Variants in RAB38 observed in about 807,000 individuals in gnomAD.
The protein encoded by RAB38 is RAB38, member RAS oncogene family, also known as ras-related protein Rab-38.
A neutral mutation model predicts 18.4 loss-of-function variants in RAB38; 15 were observed. That is an observed-to-expected ratio of 0.82 (90% confidence interval 0.55 to 1.26). The LOEUF (loss-of-function observed/expected upper bound fraction) is 1.26. Among genes scored for constraint, RAB38 ranks in the 50% most tolerant of loss-of-function variants. RAB38 has a pLI of 0.00. For synonymous variants in RAB38, 101 were observed against 104.4 expected (o/e 0.97, Z 0.20); for missense variants, 294 against 267.4 (o/e 1.10, Z -0.69).
At chr11:88,092,074 G>A in the RAB38 span, among the ~76,000 whole-genome samples, 14 of 151,716 alleles carry the variant, frequency 9.2e-5, no homozygotes. Flanking sequence ...TGGGAACATC[G>A]TATGGCAGTG....
the RAB38 span, among the ~76,000 whole-genome samples, chr11:87,970,092 G>A: frequency 2.0e-5 from 3 of 152,036 alleles, no homozygotes; most frequent in African/African-American, 7.2e-5. Context: ...GGCAAAATGG[G>A]CTCAGAAGTA....
At chr11:87,863,570 CT>C in the RAB38 span, among the ~76,000 whole-genome samples, 2 of 151,348 alleles carry the variant, frequency 1.3e-5, no homozygotes, top group African/African-American at 4.9e-5. Flanking sequence ...AGGCAGGACT[CT>C]GTTTGGCGCA....
the RAB38 span, among the ~76,000 whole-genome samples, chr11:87,971,090 C>G: frequency 7.2e-5 from 11 of 152,032 alleles, no homozygotes; most frequent in Admixed American, 2.0e-4. Flanking sequence ...CAGCGTTGCA[C>G]GGTTCTTCAA....
At chr11:88,151,458 T>C (rs1483537215) in intron 1 of RAB38, among the ~76,000 whole-genome samples, 8 of 152,238 alleles carry the variant, frequency 5.3e-5, no homozygotes. Context: ...TAATGAAGAC[T>C]TGTATTTTCT....
At chr11:87,958,410 G>A in the RAB38 span, among the ~76,000 whole-genome samples, 3 of 152,260 alleles carry the variant, frequency 2.0e-5, no homozygotes, top group Admixed American at 1.3e-4. Flanking sequence ...CTGCTCTTAA[G>A]GAGATCCAAG....
the RAB38 span, among the ~76,000 whole-genome samples, chr11:88,100,697 T>A: frequency 4.9e-3 from 742 of 152,084 alleles, 3 homozygotes; most frequent in African/African-American, 0.016. Context: ...ACTAAGGTGA[T>A]CATATTAGTT....
At chr11:87,865,282 A>G in the RAB38 span, among the ~76,000 whole-genome samples, 2 of 151,890 alleles carry the variant, frequency 1.3e-5, no homozygotes, top group East Asian at 3.9e-4. Flanking sequence ...GAAGTGTCAA[A>G]TTATGCTGGA....
intron 2 of RAB38, among the ~76,000 whole-genome samples, chr11:88,130,080 T>G (rs183077001): frequency 6.6e-6 from 1 of 152,090 alleles, no homozygotes; most frequent in Admixed American, 6.5e-5. Flanking sequence ...TATCTAAGAA[T>G]GAATGGAAAA....
chr11:87,960,168 C>T, the RAB38 span, among the ~76,000 whole-genome samples: 1 of 152,054 alleles, frequency 6.6e-6, no homozygotes, highest in Non-Finnish European at 1.5e-5. Flanking sequence ...AAGTGCTTCT[C>T]AAAGTTTAGC....
At chr11:87,907,399 C>G in the RAB38 span, among the ~76,000 whole-genome samples, 36,449 of 151,348 alleles carry the variant, frequency 0.24, 6,953 homozygotes, top group African/African-American at 0.54. Flanking sequence ...ATTGGTTTGT[C>G]TTTTTTGCAA....
chr11:88,098,343 G>C, the RAB38 span, among the ~76,000 whole-genome samples: 1 of 151,946 alleles, frequency 6.6e-6, no homozygotes, highest in Non-Finnish European at 1.5e-5. Context: ...CTCTAAGTCT[G>C]TGTTTATTTG....
the RAB38 span, among the ~76,000 whole-genome samples, chr11:87,976,955 T>TG: frequency 1.8e-4 from 5 of 27,308 alleles, no homozygotes; most frequent in Non-Finnish European, 3.1e-4. Context: ...TAAAATATAA[T>TG]TACATTATAC....
the RAB38 span, among the ~76,000 whole-genome samples, chr11:87,959,534 T>C: frequency 6.6e-6 from 1 of 152,196 alleles, no homozygotes; most frequent in African/African-American, 2.4e-5. Flanking sequence ...TCTATAAGTA[T>C]CTATTTTACT....
At chr11:88,035,623 A>G in the RAB38 span, among the ~76,000 whole-genome samples, 2 of 152,184 alleles carry the variant, frequency 1.3e-5, no homozygotes, top group African/African-American at 4.8e-5. Flanking sequence ...TAGACCAGAA[A>G]TCTAAACCAG....
At chr11:88,108,973 C>T (rs1942438777), downstream of RAB38, among the ~76,000 whole-genome samples, 1 of 152,190 alleles carries the variant, frequency 6.6e-6, no homozygotes, top group South Asian at 2.1e-4. Context: ...CCCCTACTCT[C>T]TTCTGGCTTG....
At chr11:88,022,499 G>A in the RAB38 span, among the ~76,000 whole-genome samples, 7 of 148,074 alleles carry the variant, frequency 4.7e-5, no homozygotes, top group East Asian at 1.4e-3. Flanking sequence ...TCTAGCTAGA[G>A]CAATCACACA....
At chr11:87,960,779 T>A in the RAB38 span, among the ~76,000 whole-genome samples, 1 of 152,176 alleles carries the variant, frequency 6.6e-6, no homozygotes, top group African/African-American at 2.4e-5. Context: ...TTTCCCTAGA[T>A]GTGCTAAAAT....
the RAB38 span, among the ~76,000 whole-genome samples, chr11:87,903,184 C>T: frequency 6.6e-6 from 1 of 151,522 alleles, no homozygotes; most frequent in Non-Finnish European, 1.5e-5. Context: ...AGTCTTTCAA[C>T]ATTAAGAAAT....
chr11:87,877,308 A>G, the RAB38 span, among the ~76,000 whole-genome samples: 14 of 151,700 alleles, frequency 9.2e-5, no homozygotes, highest in South Asian at 2.9e-3. Context: ...AGTGTCATTA[A>G]CAAGATACTT....
Sources: gnomAD v4.1 joint callset for allele counts (sites outside exome capture counted in the v4.1 genomes callset) on GRCh38, gnomAD v4.1.1 for gene constraint, MANE v1.5 for transcripts, NCBI Gene and HGNC (gene_info 2026-07-23, HGNC 2026-07-21) for gene names.